Variants in GMDS observed in about 807,000 individuals in gnomAD.
GMDS encodes GDP-mannose 4,6 dehydratase.
A neutral mutation model predicts 49.9 loss-of-function variants in GMDS; 20 were observed. That is an observed-to-expected ratio of 0.40 (90% CI 0.28 to 0.58). The LOEUF (loss-of-function observed/expected upper bound fraction) is 0.58, where lower values mean the gene tolerates loss of function less well. Among genes scored for constraint, GMDS ranks in the 20% least tolerant of loss-of-function variants. GMDS has a pLI of 0.42. For missense variants in GMDS, 362 were observed against 481.4 expected, an observed-to-expected ratio of 0.75 and a Z score of 2.32; for synonymous variants, 177 against 178.6, an observed-to-expected ratio of 0.99 and a Z score of 0.07.
intron 7 of GMDS, among the ~76,000 whole-genome samples, chr6:1,776,774 G>A (rs1313042141): frequency 6.6e-6 from 1 of 152,174 alleles, no homozygotes; most frequent in African/African-American, 2.4e-5. Context: ...CTGCCTCTAA[G>A]TAAATTTTCA....
chr6:1,643,024 G>A (rs936541838), intron 9 of GMDS, among the ~76,000 whole-genome samples: 21 of 152,170 alleles, frequency 1.4e-4, no homozygotes, highest in African/African-American at 5.1e-4. Context: ...CTGCTGACGA[G>A]GGGGGCATCC....
intron 4 of GMDS, among the ~76,000 whole-genome samples, chr6:2,090,429 T>C (rs187025794): frequency 6.6e-4 from 100 of 152,320 alleles, no homozygotes; most frequent in African/African-American, 2.4e-3. Flanking sequence ...TAAAAACTGT[T>C]ATTAGGCCAT....
chr6:1,646,521 C>T (rs553926792), intron 9 of GMDS, among the ~76,000 whole-genome samples: 4 of 152,248 alleles, frequency 2.6e-5, no homozygotes, highest in East Asian at 1.9e-4. Flanking sequence ...GCCGGGACTA[C>T]AGGTTCATGC....
rs761370331 is a variant in GMDS at position 1,843,361 on chromosome 6, A to G, written c.771+86742T>C. Among the ~76,000 whole-genome samples, 25 of 152,122 alleles carry G rather than the reference A, an allele frequency of 1.6e-4. 1 individual carries two copies. Among genetic ancestry groups the G allele is most frequent in the Non-Finnish European group, 3.1e-4 (21 of 68,024 alleles). ...GTGGATCAAAAGGAAATGTCTGTCA[A>G]CTTCTCTGGGTCTCTGGACTCCTAT... On this transcript the variant is annotated intron_variant, in intron 7 of 10. Transcript: ENST00000380815.
chr6:2,028,511 C>A (rs759075914), intron 4 of GMDS, among the ~76,000 whole-genome samples: 1 of 152,158 alleles, frequency 6.6e-6, no homozygotes, highest in East Asian at 1.9e-4. Flanking sequence ...CTAAACAATA[C>A]ATCTTCGTCG....
chr6:2,061,124 G>T (rs921340112), intron 4 of GMDS, among the ~76,000 whole-genome samples: 2 of 152,108 alleles, frequency 1.3e-5, no homozygotes, highest in African/African-American at 4.8e-5. Context: ...GCTGTGTCCT[G>T]GGTCTGCAAG....
At chr6:2,041,385 G>A (rs559006384) in intron 4 of GMDS, among the ~76,000 whole-genome samples, 2 of 152,268 alleles carry the variant, frequency 1.3e-5, no homozygotes, top group African/African-American at 2.4e-5. Flanking sequence ...GTTCACTAAT[G>A]GACCACAGGT....
chr6:1,694,756 A>G (rs147206395), intron 9 of GMDS, among the ~76,000 whole-genome samples: 7 of 152,342 alleles, frequency 4.6e-5, no homozygotes, highest in African/African-American at 1.4e-4. Flanking sequence ...TTACGTCGTG[A>G]AGGTTACATA....
intron 7 of GMDS, among the ~76,000 whole-genome samples, chr6:1,909,968 C>T (rs1012968419): frequency 6.6e-6 from 1 of 152,116 alleles, no homozygotes; most frequent in Non-Finnish European, 1.5e-5. Context: ...TGAACTGTGG[C>T]TCATCTGAGA....
At chr6:2,122,808 T>C (rs1373118895) in intron 2 of GMDS, among the ~76,000 whole-genome samples, 1 of 152,224 alleles carries the variant, frequency 6.6e-6, no homozygotes, top group Admixed American at 6.5e-5. Context: ...GGCTGTGTAC[T>C]TTCCCGCTAT....
At chr6:1,806,753 A>G (rs915638491) in intron 7 of GMDS, among the ~76,000 whole-genome samples, 1 of 152,160 alleles carries the variant, frequency 6.6e-6, no homozygotes, top group Non-Finnish European at 1.5e-5. Context: ...GGTTTTATTT[A>G]AGCCATGGTT....
intron 9 of GMDS, among the ~76,000 whole-genome samples, chr6:1,711,593 TG>T (rs1263039593): frequency 6.6e-6 from 1 of 152,198 alleles, no homozygotes; most frequent in African/African-American, 2.4e-5. Flanking sequence ...ACCAAATCTG[TG>T]TATTTGTGGC....
chr6:1,823,278 T>C (rs2113708261), intron 7 of GMDS, among the ~76,000 whole-genome samples: 1 of 152,334 alleles, frequency 6.6e-6, no homozygotes. Context: ...AAAATTACTA[T>C]ATATCGTGAC....
At chr6:1,900,499 T>C (rs1292292042) in intron 7 of GMDS, among the ~76,000 whole-genome samples, 4 of 152,226 alleles carry the variant, frequency 2.6e-5, no homozygotes, top group African/African-American at 7.2e-5. Flanking sequence ...TTAAGTCTGA[T>C]GTCAAATTTC....
intron 1 of GMDS, among the ~76,000 whole-genome samples, chr6:2,201,415 A>G (rs1779527907): frequency 9.3e-6 from 1 of 107,894 alleles, no homozygotes; most frequent in South Asian, 3.9e-4. Flanking sequence ...TGAGGGCAGC[A>G]TGTTAGCAGA....
chr6:1,790,356 C>T (rs1462054264), intron 7 of GMDS, among the ~76,000 whole-genome samples: 1 of 152,180 alleles, frequency 6.6e-6, no homozygotes, highest in East Asian at 1.9e-4. Flanking sequence ...CTTACCACAG[C>T]CCAGTAGGGC....
intron 4 of GMDS, among the ~76,000 whole-genome samples, chr6:2,048,821 G>C (rs1287668970): frequency 6.6e-6 from 1 of 152,042 alleles, no homozygotes; most frequent in African/African-American, 2.4e-5. Context: ...TTATTCTATA[G>C]AAATACAACT....
At chr6:1,806,438 G>A (rs1468074877) in intron 7 of GMDS, among the ~76,000 whole-genome samples, 1 of 106,864 alleles carries the variant, frequency 9.4e-6, no homozygotes. Context: ...GAGCACATGG[G>A]AACACACACA....
At position 1,660,008 on chromosome 6, in the gene GMDS, C is replaced by T. The variant is rs528694354; in HGVS notation, c.988-35468G>A. 1.2e-4 allele frequency among the ~76,000 whole-genome samples: 19 copies of T among 152,178 alleles called. No homozygotes were observed. The South Asian group carries it at 2.9e-3, about 23-fold the overall frequency. ...AAGGAAGTCTCGGTGGCCTAGACTC[C>T]AACGTCCAGTGAGAGACACCCTGCA... On this transcript the variant is annotated intron_variant, in intron 9 of 10. Coordinates refer to ENST00000380815, the MANE Select transcript of GMDS (RefSeq NM_001500.4).
Sources: allele counts gnomAD v4.1 joint callset (sites outside exome capture counted in the v4.1 genomes callset), GRCh38; gene constraint gnomAD v4.1.1; transcripts MANE v1.5; gene names NCBI Gene and HGNC (gene_info 2026-07-23, HGNC 2026-07-21).